Variants in FAM83B observed in about 807,000 individuals in gnomAD.
FAM83B encodes protein FAM83B.
In FAM83B, 26 loss-of-function variants were observed where a neutral mutation model predicts 38.8. The observed-to-expected ratio is 0.67, with a 90% confidence interval of 0.49 to 0.93. The LOEUF (loss-of-function observed/expected upper bound fraction) is 0.93, where lower values mean the gene tolerates loss of function less well. FAM83B is among the 40% of genes least tolerant of loss of function. The probability of loss-of-function intolerance (pLI) is 0.00; values close to 1 mark genes in which losing one functional copy is unlikely to be tolerated. For synonymous variants in FAM83B, 419 were observed against 423.1 expected (o/e 0.99, Z 0.12); for missense variants, 1,237 against 1,197.3 (o/e 1.03, Z -0.49).
chr6:54,858,923 C>T (rs1771508618), intron 1 of FAM83B, among the ~76,000 whole-genome samples: 1 of 152,128 alleles, frequency 6.6e-6, no homozygotes, highest in Non-Finnish European at 1.5e-5. Flanking sequence ...TCTGGTTATT[C>T]TTTCTGAAGC....
chr6:54,942,826 G>A lies in FAM83B; in HGVS notation c.*819G>A, dbSNP rs1035612141. On this transcript the variant is annotated 3_prime_UTR_variant, in exon 5 of 5. Coordinates refer to ENST00000306858, the MANE Select transcript of FAM83B (RefSeq NM_001010872.3). ...TTTTTCTATTGTATAAAAGCTTTTAGAAATGTAAATTTCTGCCTAAATTTT... is the reference window on the plus strand; with the variant it reads ...TTTTTCTATTGTATAAAAGCTTTTAAAAATGTAAATTTCTGCCTAAATTTT... Among the ~76,000 whole-genome samples the A allele has an allele frequency of 6.6e-6, 1 of 151,670 alleles. No homozygotes were observed. The highest frequency in any genetic ancestry group is 2.4e-5 in the African/African-American group (1 of 41,238).
intron 2 of FAM83B, among the ~76,000 whole-genome samples, chr6:54,871,650 C>T (rs919424405): frequency 2.9e-5 from 4 of 138,806 alleles, no homozygotes; most frequent in African/African-American, 5.4e-5. Flanking sequence ...GGCTAAGACA[C>T]GAGAATTGCT....
chr6:54,855,047 AACTT>A (rs1771412490), intron 1 of FAM83B, among the ~76,000 whole-genome samples: 1 of 152,204 alleles, frequency 6.6e-6, no homozygotes, highest in African/African-American at 2.4e-5. Flanking sequence ...TCCTGTCACT[AACTT>A]CAGAATTTTC....
chr6:54,931,911 G>GT (rs752089193), intron 4 of FAM83B, among the ~76,000 whole-genome samples: 11 of 126,134 alleles, frequency 8.7e-5, no homozygotes, highest in Non-Finnish European at 1.4e-4. Context: ...GTTTTGTTTT[G>GT]TTTTTTGCAC....
In FAM83B at chr6:54,941,998, A is replaced by G. The variant is rs778493335; in HGVS notation, c.3027A>G (p.Lys1009=). 2 of 1,590,326 alleles carry G rather than the reference A, an allele frequency of 1.3e-6. No homozygotes were observed. The highest frequency in any genetic ancestry group is 2.2e-5 in the East Asian group (1 of 44,598). ...FMQKFGNFIH[K]NK ...AAAAGTTTGGAAACTTTATACACAA[A>G]AATAAATAGCTATTAAAATGCAAAA... is the stretch of plus-strand genomic sequence containing the variant. Residue 1009 remains lysine, a synonymous_variant, in exon 5 of 5, where the codon AAA becomes AAG. Transcript: ENST00000306858.
At chr6:54,909,896 A>T (rs1018476118) in intron 2 of FAM83B, among the ~76,000 whole-genome samples, 1 of 152,172 alleles carries the variant, frequency 6.6e-6, no homozygotes, top group Admixed American at 6.5e-5. Context: ...GGGATTTTGG[A>T]TGGAAGGAAC....
chr6:54,915,526 G>C (rs1773014414), intron 2 of FAM83B, among the ~76,000 whole-genome samples: 1 of 91,450 alleles, frequency 1.1e-5, no homozygotes, highest in African/African-American at 7.4e-5. Flanking sequence ...CACATTTCTG[G>C]CCGGGCGCGG....
At chr6:54,861,544 C>T (rs1348578217) in intron 1 of FAM83B, among the ~76,000 whole-genome samples, 3 of 151,954 alleles carry the variant, frequency 2.0e-5, no homozygotes, top group Admixed American at 1.3e-4. Context: ...ACCCCACCTC[C>T]AAAACAAACA....
chr6:54,897,681 A>T lies in FAM83B; in HGVS notation c.444+26991A>T, dbSNP rs567898396. On this transcript the variant is annotated intron_variant, in intron 2 of 4. Transcript: ENST00000306858. ...TCTTTTTGTCTGAACTGGTAAGATG[A>T]TTCAGTAAAAAAGAAATTTAAACAA... Among the ~76,000 whole-genome samples the T allele has an allele frequency of 3.6e-4, 55 of 152,328 alleles. 4 individuals carry two copies. Among genetic ancestry groups the T allele is most frequent in the African/African-American group, 1.3e-3 (54 of 41,580 alleles).
intron 2 of FAM83B, among the ~76,000 whole-genome samples, chr6:54,881,922 C>T (rs1222598971): frequency 6.6e-6 from 1 of 152,194 alleles, no homozygotes; most frequent in Admixed American, 6.5e-5. Flanking sequence ...CTTCCCCCTG[C>T]CGCACGGCAG....
intron 4 of FAM83B, among the ~76,000 whole-genome samples, chr6:54,933,335 C>T (rs553592383): frequency 6.6e-6 from 1 of 151,644 alleles, no homozygotes; most frequent in African/African-American, 2.4e-5. Context: ...ATTCTCATTC[C>T]ATTGGTATGT....
chr6:54,913,585 A>G (rs1046114725), intron 2 of FAM83B, among the ~76,000 whole-genome samples: 12 of 152,072 alleles, frequency 7.9e-5, no homozygotes, highest in African/African-American at 2.9e-4. Context: ...CTTTGGGAGA[A>G]TGAGAACAAA....
chr6:54,889,746 T>C (rs774407173), intron 2 of FAM83B, among the ~76,000 whole-genome samples: 21 of 152,120 alleles, frequency 1.4e-4, no homozygotes, highest in Non-Finnish European at 4.4e-5. Flanking sequence ...TATGAGGATA[T>C]ATGTGTAGAC....
At chr6:54,895,707 G>A (rs1043339918) in intron 2 of FAM83B, among the ~76,000 whole-genome samples, 1 of 151,962 alleles carries the variant, frequency 6.6e-6, no homozygotes, top group Non-Finnish European at 1.5e-5. Context: ...GGAAAAATGG[G>A]TTCTGAAACT....
intron 2 of FAM83B, among the ~76,000 whole-genome samples, chr6:54,908,970 A>C (rs1414613842): frequency 1.3e-5 from 2 of 152,138 alleles, no homozygotes; most frequent in African/African-American, 4.8e-5. Context: ...GATCTTAAAT[A>C]AATATTAGTT....
chr6:54,887,682 A>T (rs1453905369), intron 2 of FAM83B, among the ~76,000 whole-genome samples: 2 of 151,920 alleles, frequency 1.3e-5, no homozygotes, highest in African/African-American at 2.4e-5. Flanking sequence ...TCTCCTAAAA[A>T]ACTTCTTTAT....
Position 54,941,129 on chromosome 6 carries a change from G to T in FAM83B, c.2158G>T (p.Asp720Tyr). The change falls in exon 5 of 5, where the codon GAT (aspartate) becomes TAT (tyrosine). Residue 720 changes from aspartate to tyrosine, a missense_variant. Transcript: ENST00000306858. Reference protein sequence around the residue: ...MHNVTHNLEEDEEEVTKRNSP... With the variant: ...MHNVTHNLEEYEEEVTKRNSP... ...CAATGTGACTCATAACTTGGAGGAG[G>T]ATGAGGAGGAAGTTACCAAGAGAAA... The T allele has an allele frequency of 6.2e-7, 1 of 1,613,910 alleles. No individual in the cohort carries two copies. The highest frequency in any genetic ancestry group is 1.7e-5 in the Admixed American group (1 of 59,962).
chr6:54,876,278 C>CATATATATAT (rs3996949), intron 2 of FAM83B, among the ~76,000 whole-genome samples: 7 of 96,178 alleles, frequency 7.3e-5, no homozygotes, highest in South Asian at 3.1e-4. Flanking sequence ...TTTAGGAGTG[C>CATATATATAT]ATATATATAT....
In FAM83B at chr6:54,940,107, AG is replaced by A; in HGVS notation, c.1137del (p.Ile380Ter). On this transcript the variant is annotated frameshift_variant, in exon 5 of 5. Transcript: ENST00000306858. LOFTEE classifies it low-confidence loss of function (END_TRUNC). The stretch of plus-strand genomic sequence containing the variant: ...GCAATACGTCAGTTTCAACCCAATC[AG>A]ATAAATGAAAATTGGAAAAGGCATA... ...PNAIRQFQPN[Q>X]INENWKRHSY... is the part of the protein sequence containing the mutation. The A allele has an allele frequency of 6.2e-7, 1 of 1,614,132 alleles. No homozygotes were observed. Among genetic ancestry groups the A allele is most frequent in the South Asian group, 1.1e-5 (1 of 91,080 alleles).
Sources: gnomAD v4.1 joint callset for allele counts (sites outside exome capture counted in the v4.1 genomes callset) on GRCh38, gnomAD v4.1.1 for gene constraint, MANE v1.5 for transcripts, NCBI Gene and HGNC (gene_info 2026-07-23, HGNC 2026-07-21) for gene names.